Variants in MAP7D2 observed in about 807,000 individuals in gnomAD.
The protein encoded by MAP7D2 is MAP7 domain containing 2.
A neutral mutation model predicts 63.5 loss-of-function variants in MAP7D2; 33 were observed. The ratio of observed to expected loss-of-function variants is 0.52; its 90% CI spans 0.39 to 0.70. The LOEUF is 0.70. Among genes scored for constraint, MAP7D2 ranks in the 30% least tolerant of loss-of-function variants. MAP7D2 has a pLI of 0.00. For missense variants in MAP7D2, 626 were observed against 604.0 expected (o/e 1.04, Z -0.38); for synonymous variants, 224 against 223.7 (o/e 1.00, Z -0.01).
At chrX:20,061,118 CAAAAAAAAA>C (rs780468494) in intron 3 of MAP7D2, among the ~76,000 whole-genome samples, 13 of 34,875 alleles carry the variant, frequency 3.7e-4, no homozygotes, top group African/African-American at 1.2e-3. Flanking sequence ...AGAACATGAC[CAAAAAAAAA>C]AAAAAAAAAA....
chrX:20,070,822 TA>T (rs2065484055), intron 1 of MAP7D2, among the ~76,000 whole-genome samples: 1 of 112,314 alleles, frequency 8.9e-6, no homozygotes, highest in Non-Finnish European at 1.9e-5. Flanking sequence ...AACACATTTT[TA>T]AAAACTAATT....
rs754757279 is a variant in MAP7D2, at chrX:20,116,078, C to T, written c.130+672G>A. ...AGCCAGGGACCAGCCCTCCATGGCTCCCAGCATCGGCAGCCTCGAGGGCTG... is the reference window on the plus strand; with the variant it reads ...AGCCAGGGACCAGCCCTCCATGGCTTCCAGCATCGGCAGCCTCGAGGGCTG... On this transcript the variant is annotated intron_variant, in intron 1 of 16. Transcript: ENST00000379643. Among the ~76,000 whole-genome samples, 4 of 113,096 alleles carry T rather than the reference C, an allele frequency of 3.5e-5. No homozygotes were observed. In the East Asian group the frequency reaches 1.1e-3, roughly 32 times the overall value.
intron 8 of MAP7D2, among the ~76,000 whole-genome samples, chrX:20,031,271 CAG>C (rs2074040669): frequency 9.5e-6 from 1 of 105,362 alleles, no homozygotes; most frequent in Admixed American, 1.1e-4. Context: ...GCCTCAGTGA[CAG>C]AGGGAGTCAC....
At chrX:20,019,059 T>C (rs1012077689) in intron 10 of MAP7D2, among the ~76,000 whole-genome samples, 31 of 109,800 alleles carry the variant, frequency 2.8e-4, no homozygotes, top group African/African-American at 9.6e-4. Context: ...CAGGGTTTCG[T>C]GCTGTTGCCC....
intron 1 of MAP7D2, among the ~76,000 whole-genome samples, chrX:20,100,811 C>T (rs993781654): frequency 2.7e-5 from 3 of 110,739 alleles, no homozygotes; most frequent in African/African-American, 6.6e-5. Flanking sequence ...CACCTGAGGT[C>T]GGGAGTTCGA....
At chrX:20,076,942 T>C (rs1015932814) in intron 1 of MAP7D2, among the ~76,000 whole-genome samples, 2 of 112,863 alleles carry the variant, frequency 1.8e-5, no homozygotes, top group African/African-American at 6.4e-5. Flanking sequence ...ATGATTTTCT[T>C]AAATCACAAT....
At chrX:20,020,891 G>A (rs185682552) in intron 10 of MAP7D2, among the ~76,000 whole-genome samples, 16 of 111,858 alleles carry the variant, frequency 1.4e-4, no homozygotes, top group African/African-American at 4.2e-4. Flanking sequence ...GTCTCTCTAC[G>A]TTGCCCAGGC....
chrX:20,093,144 C>T (rs920695002), intron 1 of MAP7D2, among the ~76,000 whole-genome samples: 1 of 111,561 alleles, frequency 9.0e-6, no homozygotes, highest in Non-Finnish European at 1.9e-5. Flanking sequence ...GAAGGGTGTT[C>T]GAGGGCTCAA....
intron 1 of MAP7D2, among the ~76,000 whole-genome samples, chrX:20,085,913 T>C (rs2065899684): frequency 9.0e-6 from 1 of 111,203 alleles, no homozygotes; most frequent in Non-Finnish European, 1.9e-5. Context: ...GGTTTCACCA[T>C]GTTGGCCAGG....
At position 20,116,845 on chromosome X, in the gene MAP7D2, G is replaced by T. The variant is rs370492701; in HGVS notation, c.35C>A (p.Ser12Tyr). 7 of 1,163,468 alleles carry T rather than the reference G, an allele frequency of 6.0e-6. No homozygotes were observed. The Admixed American group carries it at 1.8e-4, about 29-fold the overall frequency. ...TCCCCGCGCAGTCCCCTCAGGCCGGGATCCCGTCCCGGAGCCGCCGCCGCC... is the reference window on the plus strand; with the variant it reads ...TCCCCGCGCAGTCCCCTCAGGCCGGTATCCCGTCCCGGAGCCGCCGCCGCC... ...ERGGGGSGTG[S>Y]RPEGTARGTS... The change falls in exon 1 of 17, where the codon TCC becomes TAC. Residue 12 changes from serine to tyrosine, a missense_variant. By Grantham distance (144) the Ser-to-Tyr change is moderately radical. Transcript: ENST00000379643.
intron 1 of MAP7D2, among the ~76,000 whole-genome samples, chrX:20,084,196 CAAAA>C (rs112492302): frequency 3.6e-5 from 2 of 56,335 alleles, no homozygotes; most frequent in African/African-American, 5.2e-5. Flanking sequence ...GCAAGACTCA[CAAAA>C]AAAAAAAAAA....
chrX:20,035,973 A>G (rs191548280), intron 8 of MAP7D2, among the ~76,000 whole-genome samples: 1 of 110,151 alleles, frequency 9.1e-6, no homozygotes, highest in African/African-American at 3.3e-5. Flanking sequence ...AAATAGTTCT[A>G]GAAACACAAT....
chrX:20,010,858 A>G lies in MAP7D2; in HGVS notation c.2267T>C (p.Leu756Pro). 1 of 1,210,540 alleles carries G rather than the reference A, an allele frequency of 8.3e-7. No homozygotes were observed. The highest frequency in any genetic ancestry group is 1.1e-6 in the Non-Finnish European group (1 of 895,033). The change falls in exon 16 of 17, where the codon CTT becomes CCT. Residue 756 changes from leucine (L) to proline (P), a missense_variant. Coordinates refer to ENST00000379643, the MANE Select transcript of MAP7D2 (RefSeq NM_001168465.2). ...GCCAGGACTGTTAAATCCTTCGATA[A>G]GGTTTTTGTTACAGTCGTCCAGGCT... ...NLSLDDCNKN[L>P]IEGFNSPGQE...
chrX:20,093,727 T>C (rs752109117), intron 1 of MAP7D2, among the ~76,000 whole-genome samples: 74 of 111,598 alleles, frequency 6.6e-4, no homozygotes, highest in Non-Finnish European at 1.1e-3. Context: ...CAAAAATCTA[T>C]AGAGACTGAG....
At chrX:20,069,077 T>C (rs980586540) in intron 1 of MAP7D2, among the ~76,000 whole-genome samples, 10 of 112,198 alleles carry the variant, frequency 8.9e-5, no homozygotes, top group South Asian at 3.8e-4. Context: ...AGTGTGAAAA[T>C]AGACTAATAC....
Position 20,020,585 on chromosome X carries a change from C to A in MAP7D2, c.1413-4260G>T, listed in dbSNP as rs73445237. On this transcript the variant is annotated intron_variant, in intron 10 of 16. Transcript: ENST00000379643. ...CCCTGTGCTACATAAGGCTGCATGA[C>A]CCTGGCTCTCTCCTACCTCTCTTGG... Among the ~76,000 whole-genome samples the A allele has an allele frequency of 1.4e-3, 153 of 111,736 alleles. 1 individual carries two copies. The highest frequency in any genetic ancestry group is 4.6e-3 in the African/African-American group (143 of 30,762).
intron 8 of MAP7D2, among the ~76,000 whole-genome samples, chrX:20,037,906 A>T (rs2064541479): frequency 8.9e-6 from 1 of 111,784 alleles, no homozygotes; most frequent in South Asian, 3.7e-4. Flanking sequence ...GACACCACTC[A>T]GCCTCTTTCC....
At chrX:20,050,783 T>C (rs768333628) in intron 6 of MAP7D2, 41 bp downstream of exon 6, 2 of 1,131,233 alleles carry the variant, frequency 1.8e-6, no homozygotes, top group Non-Finnish European at 2.3e-6. Context: ...CAACACCTCT[T>C]CGGGCATTTT....
At chrX:20,024,407 C>T (rs1415352117) in intron 10 of MAP7D2, among the ~76,000 whole-genome samples, 3 of 111,695 alleles carry the variant, frequency 2.7e-5, no homozygotes, top group Non-Finnish European at 5.6e-5. Flanking sequence ...TTGTCTTGCT[C>T]CCAGATGGGA....
Sources: gnomAD v4.1 joint callset for allele counts (sites outside exome capture counted in the v4.1 genomes callset) on GRCh38, gnomAD v4.1.1 for gene constraint, MANE v1.5 for transcripts, NCBI Gene and HGNC (gene_info 2026-07-23, HGNC 2026-07-21) for gene names.